Variants in GLRB observed in about 807,000 individuals in gnomAD.
GLRB encodes the protein glycine receptor beta.
In GLRB, 33 loss-of-function variants were observed where a neutral mutation model predicts 54.2. The observed-to-expected ratio is 0.61, with a 90% CI of 0.46 to 0.81. The LOEUF is 0.81. Ranked by LOEUF, GLRB falls within the 40% of genes least tolerant of loss-of-function variation. GLRB has a pLI of 0.00. For synonymous variants in GLRB, 209 were observed against 208.2 expected (o/e 1.00, Z -0.03); for missense variants, 572 against 584.6 (o/e 0.98, Z 0.22).
In GLRB at chr4:157,093,754, CAAAAAAA is replaced by C. The variant is rs70958808; in HGVS notation, c.122+15626_122+15632del. Among the ~76,000 whole-genome samples the C allele has an allele frequency of 8.2e-5, 5 of 60,830 alleles. No homozygotes were observed. In the East Asian group the frequency reaches 1.2e-3, roughly 14 times the overall value. The allele number at this position is 60,830 out of a possible 152,430, so 39.9% of individuals were successfully genotyped here. ...TGGGCGACAGAGCGAGACTCCATCT[CAAAAAAA>C]AAAAAAAAAAAAAAAAATACATGGT... On this transcript the variant is annotated intron_variant, in intron 2 of 9. Coordinates refer to ENST00000264428, the MANE Select transcript of GLRB (RefSeq NM_000824.5).
At chr4:157,104,989 G>A (rs1204866289) in intron 2 of GLRB, among the ~76,000 whole-genome samples, 2 of 151,066 alleles carry the variant, frequency 1.3e-5, no homozygotes, top group African/African-American at 4.9e-5. Context: ...TGTAAATTTT[G>A]TTAACATTTA....
At position 157,170,692 on chromosome 4, in the gene GLRB, G is replaced by C. The variant is rs377603371; in HGVS notation, c.1458G>C (p.Leu486Phe). 5.3e-5 allele frequency: 85 copies of C among 1,590,168 alleles called. No individual in the cohort carries two copies. Among genetic ancestry groups the C allele is most frequent in the Non-Finnish European group, 7.1e-5 (83 of 1,163,842 alleles). Residue 486 changes from leucine to phenylalanine, a missense_variant, in exon 10 of 10, where the codon TTG becomes TTC. Leu to Phe is a conservative substitution (Grantham distance 22). Coordinates refer to ENST00000264428, the MANE Select transcript of GLRB (RefSeq NM_000824.5). Reference protein sequence around the residue: ...YARALFPFCFLFFNVIYWSIY... With the variant: ...YARALFPFCFFFFNVIYWSIY... ...GAGCATTGTTTCCTTTCTGCTTCTTGTTCTTCAATGTTATATATTGGTCTA... is the reference window on the plus strand; with the variant it reads ...GAGCATTGTTTCCTTTCTGCTTCTTCTTCTTCAATGTTATATATTGGTCTA...
At chr4:157,146,228 G>T (rs1736802133) in intron 8 of GLRB, among the ~76,000 whole-genome samples, 1 of 151,882 alleles carries the variant, frequency 6.6e-6, no homozygotes, top group Admixed American at 6.6e-5. Flanking sequence ...TGTCAGCCAG[G>T]CTGATATCGA....
intron 9 of GLRB, among the ~76,000 whole-genome samples, chr4:157,162,363 C>T (rs1180604011): frequency 6.6e-6 from 1 of 152,218 alleles, no homozygotes; most frequent in African/African-American, 2.4e-5. Context: ...CTCCATCCAG[C>T]TTTGTTCCGT....
intron 4 of GLRB, among the ~76,000 whole-genome samples, chr4:157,130,054 C>T (rs1333100835): frequency 6.6e-6 from 1 of 151,552 alleles, no homozygotes; most frequent in Admixed American, 6.6e-5. Flanking sequence ...CCTAATATCT[C>T]CAGGTGCAGT....
At chr4:157,155,792 T>A (rs746479407) in intron 9 of GLRB, among the ~76,000 whole-genome samples, 1 of 152,176 alleles carries the variant, frequency 6.6e-6, no homozygotes, top group African/African-American at 2.4e-5. Context: ...TTGATCTTGT[T>A]TGGGATTTTT....
rs1050936071 is a variant in GLRB, at chr4:157,115,255, T to A, written c.123-5301T>A. ...TTGACATATTTCCATTATGGTGTTTTTTTTTTTTTTTTTTCCTGAACACTT... is the reference window on the plus strand; with the variant it reads ...TTGACATATTTCCATTATGGTGTTTATTTTTTTTTTTTTTCCTGAACACTT... On this transcript the variant is annotated intron_variant, in intron 2 of 9. Transcript: ENST00000264428. Among the ~76,000 whole-genome samples the A allele has an allele frequency of 3.8e-4, 58 of 150,908 alleles. 1 individual carries two copies. Among genetic ancestry groups the A allele is most frequent in the Non-Finnish European group, 7.6e-4 (51 of 67,520 alleles).
intron 2 of GLRB, among the ~76,000 whole-genome samples, chr4:157,083,112 A>G (rs2126425347): frequency 6.6e-6 from 1 of 152,028 alleles, no homozygotes; most frequent in African/African-American, 2.4e-5. Flanking sequence ...TTTTATGTTA[A>G]GCGTATTACT....
intron 9 of GLRB, among the ~76,000 whole-genome samples, chr4:157,158,508 A>T (rs997634515): frequency 6.6e-6 from 1 of 152,164 alleles, no homozygotes; most frequent in African/African-American, 2.4e-5. Flanking sequence ...TAATTTTTGT[A>T]TAAGGTGTAA....
intron 1 of GLRB, among the ~76,000 whole-genome samples, chr4:157,077,092 A>G (rs565974837): frequency 6.8e-4 from 103 of 151,928 alleles, no homozygotes; most frequent in Admixed American, 1.4e-3. Flanking sequence ...GAAAACAATG[A>G]AAGAGAAACA....
intron 2 of GLRB, among the ~76,000 whole-genome samples, chr4:157,093,062 T>A (rs564382570): frequency 6.6e-6 from 1 of 152,218 alleles, no homozygotes; most frequent in African/African-American, 2.4e-5. Context: ...TGGGAACACA[T>A]TTTTCTTCTT....
chr4:157,129,961 A>G (rs1039741088), intron 4 of GLRB, among the ~76,000 whole-genome samples: 1 of 151,708 alleles, frequency 6.6e-6, no homozygotes, highest in African/African-American at 2.4e-5. Context: ...GCAAAAAAGC[A>G]TATTAAGCAC....
chr4:157,146,141 C>T (rs547315118), intron 8 of GLRB, among the ~76,000 whole-genome samples: 49 of 151,846 alleles, frequency 3.2e-4, no homozygotes, highest in Middle Eastern at 3.4e-3. Flanking sequence ...CTCAGCCTCC[C>T]GAATAGCTGG....
chr4:157,115,790 A>G (rs1735586871), intron 2 of GLRB, among the ~76,000 whole-genome samples: 1 of 151,756 alleles, frequency 6.6e-6, no homozygotes, highest in Admixed American at 6.6e-5. Context: ...ACCAACACAT[A>G]TTACATCCTC....
At position 157,152,983 on chromosome 4, in the gene GLRB, G is replaced by T. The variant is rs1737084902; in HGVS notation, c.1170G>T (p.Gly390=). Residue 390 remains glycine (G), a synonymous_variant, in exon 9 of 10, where the codon GGG becomes GGT. Transcript: ENST00000264428. ...VAKKNTVNGT[G]TPVHISTLQV... ...AAAAGAATACTGTGAATGGAACAGG[G>T]ACTCCTGTTCATATTAGCACTTTGC... 9 of 1,613,146 alleles carry T rather than the reference G, an allele frequency of 5.6e-6. No homozygotes were observed. Among genetic ancestry groups the T allele is most frequent in the Non-Finnish European group, 7.6e-6 (9 of 1,179,228 alleles).
At chr4:157,161,105 T>C (rs1395933091) in intron 9 of GLRB, among the ~76,000 whole-genome samples, 1 of 152,218 alleles carries the variant, frequency 6.6e-6, no homozygotes, top group Non-Finnish European at 1.5e-5. Context: ...TTTGTCTCTT[T>C]TGATCTTTGT....
intron 2 of GLRB, among the ~76,000 whole-genome samples, chr4:157,112,314 AT>A (rs35767258): frequency 0.071 from 10,784 of 151,746 alleles, 721 homozygotes; most frequent in African/African-American, 0.18. Flanking sequence ...TTTAAATACC[AT>A]TTTTTTTATA....
chr4:157,124,675 G>T (rs141098487), intron 4 of GLRB, among the ~76,000 whole-genome samples: 1 of 151,746 alleles, frequency 6.6e-6, no homozygotes, highest in Non-Finnish European at 1.5e-5. Context: ...GAATAATGTC[G>T]TTACTACAGA....
chr4:157,140,542 A>G (rs1736570168), intron 7 of GLRB, among the ~76,000 whole-genome samples: 1 of 151,902 alleles, frequency 6.6e-6, no homozygotes, highest in South Asian at 2.1e-4. Flanking sequence ...TATACTAGGC[A>G]TTGTTTTTAG....
Sources: allele counts gnomAD v4.1 joint callset (sites outside exome capture counted in the v4.1 genomes callset), GRCh38; gene constraint gnomAD v4.1.1; transcripts MANE v1.5; gene names NCBI Gene and HGNC (gene_info 2026-07-23, HGNC 2026-07-21).